The following PARVB variants were observed in gnomAD, a reference collection of about 807,000 sequenced individuals.
The protein encoded by PARVB is parvin beta, also known as beta-parvin.
A neutral mutation model predicts 47.0 loss-of-function variants in PARVB; 46 were observed. The ratio of observed to expected loss-of-function variants is 0.98; its 90% confidence interval spans 0.77 to 1.25. The LOEUF is 1.25. Among genes scored for constraint, PARVB ranks in the 50% most tolerant of loss-of-function variants. PARVB has a pLI of 0.00. For synonymous variants in PARVB, 196 were observed against 196.3 expected, an observed-to-expected ratio of 1.00 and a Z score of 0.01; for missense variants, 473 against 471.6, an observed-to-expected ratio of 1.00 and a Z score of -0.03.
chr22:44,067,449 C>T (rs1425488222), intron 1 of PARVB, among the ~76,000 whole-genome samples: 1 of 152,248 alleles, frequency 6.6e-6, no homozygotes, highest in Non-Finnish European at 1.5e-5. Flanking sequence ...ACCACCAGCC[C>T]CAGGCATCTC....
At chr22:44,127,351 C>T (rs986649107) in intron 4 of PARVB, among the ~76,000 whole-genome samples, 1 of 152,072 alleles carries the variant, frequency 6.6e-6, no homozygotes, top group East Asian at 1.9e-4. Flanking sequence ...TGTTGTTACA[C>T]TGAAATGACA....
At chr22:44,048,026 A>T (rs1011719100) in intron 1 of PARVB, among the ~76,000 whole-genome samples, 1 of 152,144 alleles carries the variant, frequency 6.6e-6, no homozygotes, top group African/African-American at 2.4e-5. Context: ...GTGCTTGGCC[A>T]TTCCCCACAG....
rs759007777 is a variant in PARVB at position 44,068,137 on chromosome 22, C to T, written c.113-25791C>T. Among the ~76,000 whole-genome samples, 1 of 152,102 alleles carries T rather than the reference C, an allele frequency of 6.6e-6. No homozygotes were observed. Among genetic ancestry groups the T allele is most frequent in the Non-Finnish European group, 1.5e-5 (1 of 68,026 alleles). ...GGGATTGTCAGTTAATCGAGCAACA[C>T]CTCCAGGAAGCCAGCCTCAGGAAAG... On this transcript the variant is annotated intron_variant, in intron 1 of 12. Transcript: ENST00000338758. This position sits in a 1 kb window ranked among gnomAD's most constrained non-coding sequence, Gnocchi z 4.1.
At position 44,168,863 on chromosome 22, in the gene PARVB, T is replaced by A. The variant is rs2054232980; in HGVS notation, c.*185T>A. 1.8e-6 allele frequency: 1 copy of A among 563,242 alleles called. No individual in the cohort carries two copies. Among genetic ancestry groups the A allele is most frequent in the Admixed American group, 3.3e-5 (1 of 30,600 alleles). 34.9% of individuals were successfully genotyped at this position (563,242 alleles called of 1,614,324 possible). On this transcript the variant is annotated 3_prime_UTR_variant, in exon 13 of 13. Transcript: ENST00000338758. ...TGCCTCTTTTGGTTGTTGTTCTTAATCTCCTCTCCATGTAGTTCCCAGTGG... is the reference window on the plus strand; with the variant it reads ...TGCCTCTTTTGGTTGTTGTTCTTAAACTCCTCTCCATGTAGTTCCCAGTGG...
chr22:44,117,105 A>G (rs1231361744), intron 3 of PARVB, among the ~76,000 whole-genome samples: 1 of 151,968 alleles, frequency 6.6e-6, no homozygotes, highest in East Asian at 1.9e-4. Flanking sequence ...GTCCTGTTAG[A>G]GATGCTCACG....
intron 11 of PARVB, among the ~76,000 whole-genome samples, chr22:44,163,348 C>A (rs892289520): frequency 3.9e-5 from 6 of 152,104 alleles, no homozygotes; most frequent in Non-Finnish European, 5.9e-5. Flanking sequence ...CACAGTGATG[C>A]GTGCCTGTAG....
chr22:44,043,205 G>A (rs540933758), intron 1 of PARVB, among the ~76,000 whole-genome samples: 4 of 152,260 alleles, frequency 2.6e-5, no homozygotes, highest in African/African-American at 9.6e-5. Context: ...TAGGCAAATT[G>A]ATAGAGACAG....
rs189589648 is a variant in PARVB at position 44,081,531 on chromosome 22, C to T, written c.113-12397C>T. The T allele has an allele frequency of 2.4e-4, 206 of 855,282 alleles. 2 individuals are homozygous for T. Among genetic ancestry groups the T allele is most frequent in the Non-Finnish European group, 3.7e-5 (26 of 711,240 alleles). 53.0% of individuals were successfully genotyped at this position (855,282 alleles called of 1,614,324 possible). A position where few individuals can be genotyped will look rare whatever the true frequency, so the allele number is the denominator to read the frequency against. ...GGATACATTGGGACGTTACCAGTCA[C>T]ATTAATTAATACGAGTTTCACAACT... On this transcript the variant is annotated intron_variant, in intron 1 of 12. Transcript: ENST00000338758.
chr22:44,067,417 T>G (rs1182676662), intron 1 of PARVB, among the ~76,000 whole-genome samples: 1 of 152,258 alleles, frequency 6.6e-6, no homozygotes, highest in Non-Finnish European at 1.5e-5. Context: ...CTGTTATTTC[T>G]GCCTCCTCCC....
intron 1 of PARVB, among the ~76,000 whole-genome samples, chr22:44,064,388 G>A (rs2051478944): frequency 6.6e-6 from 1 of 152,222 alleles, no homozygotes; most frequent in Non-Finnish European, 1.5e-5. Flanking sequence ...CAGGAAATGT[G>A]TGTGGACTCG....
intron 8 of PARVB, chr22:44,141,403 C>T (rs905906199): frequency 6.6e-6 from 1 of 152,184 alleles, no homozygotes; most frequent in South Asian, 2.1e-4. Flanking sequence ...GTTTGATGTT[C>T]GAAGGCAGGA....
rs1399114367 is a variant in PARVB, at chr22:44,114,983, C to T, written c.274-4055C>T. 3.8e-5 allele frequency: 4 copies of T among 105,550 alleles called. 1 individual carries two copies. The highest frequency in any genetic ancestry group is 7.5e-5 in the Non-Finnish European group (4 of 53,132). The allele number at this position is 105,550 out of a possible 1,614,324, so 6.5% of individuals were successfully genotyped here. A position where few individuals can be genotyped will look rare whatever the true frequency, so the allele number is the denominator to read the frequency against. ...ACAGATACGTTGTTACTAAGTAAGGCCCTGCACCAACACAGATACATTGTT... is the reference window on the plus strand; with the variant it reads ...ACAGATACGTTGTTACTAAGTAAGGTCCTGCACCAACACAGATACATTGTT... On this transcript the variant is annotated intron_variant, in intron 3 of 12. Transcript: ENST00000338758.
chr22:44,109,054 A>G (rs1044723578), intron 3 of PARVB: 8 of 150,720 alleles, frequency 5.3e-5, no homozygotes, highest in African/African-American at 2.0e-4. Flanking sequence ...TGATTGGACA[A>G]GACCCTTCCT....
chr22:44,056,920 C>T (rs977028210), intron 1 of PARVB, among the ~76,000 whole-genome samples: 1 of 138,360 alleles, frequency 7.2e-6, no homozygotes, highest in African/African-American at 2.7e-5. Flanking sequence ...AGGCTTGGGA[C>T]CGAGCTGGGG....
rs1462503253 is a variant in PARVB, at chr22:44,038,256, A to G, written c.112+13805A>G. On this transcript the variant is annotated intron_variant, in intron 1 of 12. Coordinates refer to ENST00000338758, the MANE Select transcript of PARVB (RefSeq NM_013327.5). The stretch of plus-strand genomic sequence containing the variant: ...GAGATAATGATGACCATTTACAGTG[A>G]TCTTTGTGTATTTGCCCAGCAAGCA... Among the ~76,000 whole-genome samples the G allele has an allele frequency of 3.3e-5, 5 of 152,156 alleles. No individual in the cohort carries two copies. In the South Asian group the frequency reaches 1.0e-3, roughly 32 times the overall value.
At chr22:44,101,021 C>G (rs954661435) in intron 3 of PARVB, among the ~76,000 whole-genome samples, 1 of 152,248 alleles carries the variant, frequency 6.6e-6, no homozygotes, top group East Asian at 1.9e-4. Flanking sequence ...TCCACCTTCA[C>G]CACCACAGTG....
In PARVB at chr22:44,125,110, C is replaced by T. The variant is rs1601643288; in HGVS notation, c.376+5970C>T. ...GGGAGGCCATGTCCCATAACTCACTCTGAAGGACACAGTGATGCTTGGACC... is the reference window on the plus strand; with the variant it reads ...GGGAGGCCATGTCCCATAACTCACTTTGAAGGACACAGTGATGCTTGGACC... On this transcript the variant is annotated intron_variant, in intron 4 of 12. Coordinates refer to ENST00000338758, the MANE Select transcript of PARVB (RefSeq NM_013327.5). The surrounding 1 kb of genome is among the most constrained non-coding windows in gnomAD (Gnocchi z 4.1). Among the ~76,000 whole-genome samples, 2 of 152,098 alleles carry T rather than the reference C, an allele frequency of 1.3e-5. No individual in the cohort carries two copies. Among genetic ancestry groups the T allele is most frequent in the South Asian group, 4.1e-4 (2 of 4,826 alleles).
At chr22:44,082,139 G>A (rs1422591052) in intron 1 of PARVB, among the ~76,000 whole-genome samples, 1 of 152,236 alleles carries the variant, frequency 6.6e-6, no homozygotes, top group Non-Finnish European at 1.5e-5. Context: ...CTGGCTTTGG[G>A]GATGTGTATC....
Position 44,158,689 on chromosome 22 carries a change from C to A in PARVB, c.945+606C>A, listed in dbSNP as rs57436433. 8.6e-4 allele frequency among the ~76,000 whole-genome samples: 131 copies of A among 152,366 alleles called. 1 individual carries two copies. The highest frequency in any genetic ancestry group is 3.0e-3 in the African/African-American group (125 of 41,592). ...CCCACGCCACCCGGTCCCGCTGTCA[C>A]TGCCCTCGTGCGTGGGCCTCTCCCT... is the stretch of plus-strand genomic sequence containing the variant. On this transcript the variant is annotated intron_variant, in intron 11 of 12. Transcript: ENST00000338758.
Sources: gnomAD v4.1 joint callset for allele counts (sites outside exome capture counted in the v4.1 genomes callset) on GRCh38, gnomAD v4.1.1 for gene constraint, Gnocchi (gnomAD v3.1) non-coding constraint, MANE v1.5 for transcripts, NCBI Gene and HGNC (gene_info 2026-07-23, HGNC 2026-07-21) for gene names.